The following ASXL1 variants were observed in gnomAD, a reference collection of about 807,000 sequenced individuals.
ASXL1 encodes polycomb group protein ASXL1.
A neutral mutation model predicts 89.1 loss-of-function variants in ASXL1; 65 were observed. That is an observed-to-expected ratio of 0.73 (90% CI 0.60 to 0.90). The LOEUF (loss-of-function observed/expected upper bound fraction) is 0.90. Ranked by LOEUF, ASXL1 falls within the 40% of genes least tolerant of loss-of-function variation. The pLI, the probability that ASXL1 is intolerant of heterozygous loss-of-function variation, is 0.00. For synonymous variants in ASXL1, 739 were observed against 746.9 expected, an observed-to-expected ratio of 0.99 and a Z score of 0.17; for missense variants, 1,786 against 1,942.9, an observed-to-expected ratio of 0.92 and a Z score of 1.52.
rs1488502891 is a variant in ASXL1, at chr20:32,437,087, A to G, written c.4375A>G (p.Ser1459Gly). 2 of 1,614,014 alleles carry G rather than the reference A, an allele frequency of 1.2e-6. No individual in the cohort carries two copies. The highest frequency in any genetic ancestry group is 1.7e-6 in the Non-Finnish European group (2 of 1,180,034). ...TTCCACCAGCTTTAATTATTCCTCT[A>G]GCTCTCCCACCTTTCCCAAAGGCCT... ...LSSTSFNYSS[S>G]SPTFPKGLAG... Residue 1459 changes from serine to glycine, a missense_variant, in exon 13 of 13, where the codon AGC becomes GGC. Coordinates refer to ENST00000375687, the MANE Select transcript of ASXL1 (RefSeq NM_015338.6).
At chr20:32,412,937 C>T (rs955596542) in intron 4 of ASXL1, among the ~76,000 whole-genome samples, 2 of 152,030 alleles carry the variant, frequency 1.3e-5, no homozygotes, top group Admixed American at 6.6e-5. Context: ...TACCTTTTGA[C>T]CGATTGTTTC....
intron 4 of ASXL1, among the ~76,000 whole-genome samples, chr20:32,382,168 T>G (rs1238742517): frequency 6.6e-6 from 1 of 151,850 alleles, no homozygotes; most frequent in Non-Finnish European, 1.5e-5. Context: ...AGAGACAGTG[T>G]TTTTCCATGT....
intron 4 of ASXL1, among the ~76,000 whole-genome samples, chr20:32,375,719 G>C (rs1237250002): frequency 1.3e-5 from 2 of 150,542 alleles, no homozygotes; most frequent in African/African-American, 4.9e-5. Flanking sequence ...GCCTGGCTCC[G>C]TTGCCCAGGC....
intron 4 of ASXL1, among the ~76,000 whole-genome samples, chr20:32,418,796 G>A (rs2049182865): frequency 7.4e-6 from 1 of 134,310 alleles, no homozygotes; most frequent in African/African-American, 2.7e-5. Flanking sequence ...ATCAAAATGG[G>A]AAGAATTGAC....
At position 32,436,842 on chromosome 20, in the gene ASXL1, C is replaced by T. The variant is rs1371456909; in HGVS notation, c.4130C>T (p.Pro1377Leu). 3 of 1,614,064 alleles carry T rather than the reference C, an allele frequency of 1.9e-6. No homozygotes were observed. The highest frequency in any genetic ancestry group is 1.1e-5 in the South Asian group (1 of 91,086). The change falls in exon 13 of 13, where the codon CCT becomes CTT. Residue 1377 changes from proline (P) to leucine (L), a missense_variant. Coordinates refer to ENST00000375687, the MANE Select transcript of ASXL1 (RefSeq NM_015338.6). ...VKNEKTFVGG[P>L]LKANAENRKA... ...AATGAGAAGACTTTTGTGGGGGGTCCTCTTAAGGCAAATGCCGAGAACAGG... is the reference window on the plus strand; with the variant it reads ...AATGAGAAGACTTTTGTGGGGGGTCTTCTTAAGGCAAATGCCGAGAACAGG...
In ASXL1 at chr20:32,434,635, CGG is replaced by C; in HGVS notation, c.1924_1925del (p.Gly642ArgfsTer15). ...CHREAATTAI[G>X]GGGGPGGGGG... is the part of the protein sequence containing the mutation. The stretch of plus-strand genomic sequence containing the variant: ...ATAGAGAGGCGGCCACCACTGCCAT[CGG>C]AGGGGGGGGTGGCCCGGGTGGAGGT... On this transcript the variant is annotated frameshift_variant, in exon 13 of 13. Coordinates refer to ENST00000375687, the MANE Select transcript of ASXL1 (RefSeq NM_015338.6). LOFTEE classifies it low-confidence loss of function (END_TRUNC). 6.2e-7 allele frequency: 1 copy of C among 1,607,612 alleles called. No homozygotes were observed. Among genetic ancestry groups the C allele is most frequent in the Non-Finnish European group, 8.5e-7 (1 of 1,176,854 alleles).
intron 4 of ASXL1, among the ~76,000 whole-genome samples, chr20:32,374,081 T>C (rs906644636): frequency 6.6e-6 from 1 of 152,166 alleles, no homozygotes; most frequent in Non-Finnish European, 1.5e-5. Flanking sequence ...GGTACAATCA[T>C]GGCTCACTGC....
At chr20:32,378,003 T>TGTGTGTGTGTGTGTGTGTGTGTG (rs56248414) in intron 4 of ASXL1, among the ~76,000 whole-genome samples, 29 of 144,580 alleles carry the variant, frequency 2.0e-4, no homozygotes, top group South Asian at 6.8e-4. Context: ...TGTGTGTGTG[T>TGTGTGTGTGTGTGTGTGTGTGTG]TTTGGAGACA....
rs1299423705 is a variant in ASXL1, at chr20:32,433,843, C to T, written c.1645C>T (p.Arg549Cys). 3 of 1,613,926 alleles carry T rather than the reference C, an allele frequency of 1.9e-6. No homozygotes were observed. Among genetic ancestry groups the T allele is most frequent in the Non-Finnish European group, 8.5e-7 (1 of 1,180,038 alleles). The change falls in exon 12 of 13, where the codon CGT (arginine) becomes TGT (cysteine). Residue 549 changes from arginine (R) to cysteine (C), a missense_variant. By Grantham distance (180) the Arg-to-Cys change is radical. Around this residue, in one of 3 missense-constraint regions of ASXL1, gnomAD observed 1,418 missense variants for 1,427.8 expected, o/e 0.99. Transcript: ENST00000375687. ...KPRLEDRQSFRNTIESVHTEK... is the reference protein window; with the variant it reads ...KPRLEDRQSFCNTIESVHTEK... ...CCGGCTTGAAGATCGTCAGTCCTTT[C>T]GTAACACAATTGAAAGTGTTCACAC... is the stretch of plus-strand genomic sequence containing the variant.
At chr20:32,391,731 C>T (rs1162606057) in intron 4 of ASXL1, among the ~76,000 whole-genome samples, 2 of 152,108 alleles carry the variant, frequency 1.3e-5, no homozygotes, top group Non-Finnish European at 2.9e-5. Context: ...TCAAGCAGTC[C>T]TCCTGCCTTG....
chr20:32,381,573 G>C (rs905870899), intron 4 of ASXL1, among the ~76,000 whole-genome samples: 1 of 147,838 alleles, frequency 6.8e-6, no homozygotes, highest in Non-Finnish European at 1.5e-5. Flanking sequence ...GGAGTGCAGT[G>C]GCGGGATCTC....
chr20:32,427,788 T>C, intron 4 of ASXL1: 1 of 367,994 alleles, frequency 2.7e-6, no homozygotes. Context: ...CTTTGTATTG[T>C]AATCAGTTTA....
intron 4 of ASXL1, among the ~76,000 whole-genome samples, chr20:32,413,919 C>T (rs576812728): frequency 1.4e-4 from 22 of 152,060 alleles, no homozygotes; most frequent in Non-Finnish European, 2.8e-4. Context: ...GAACAGGTGC[C>T]TAGGAGGTAA....
chr20:32,373,235 G>C (rs972320854), intron 4 of ASXL1, among the ~76,000 whole-genome samples: 1 of 151,658 alleles, frequency 6.6e-6, no homozygotes, highest in Non-Finnish European at 1.5e-5. Flanking sequence ...AAATTAGCCG[G>C]GCGTGGTTGT....
chr20:32,361,758 T>A (rs1600462085), intron 1 of ASXL1, among the ~76,000 whole-genome samples: 1 of 150,648 alleles, frequency 6.6e-6, no homozygotes, highest in Non-Finnish European at 1.5e-5. Flanking sequence ...GGATGGTAGG[T>A]GAGGGGGAAC....
At chr20:32,362,216 C>T (rs1243177113) in intron 1 of ASXL1, among the ~76,000 whole-genome samples, 2 of 152,238 alleles carry the variant, frequency 1.3e-5, no homozygotes, top group Non-Finnish European at 2.9e-5. Context: ...CTGAACACTT[C>T]TCTTTGGGCA....
chr20:32,421,866 C>CTTT (rs71299232), intron 4 of ASXL1, among the ~76,000 whole-genome samples: 36 of 105,270 alleles, frequency 3.4e-4, no homozygotes, highest in East Asian at 5.8e-4. Flanking sequence ...GGTTTCTTTT[C>CTTT]TTTTTTTTTT....
At chr20:32,362,656 A>G (rs1057382699) in intron 1 of ASXL1, among the ~76,000 whole-genome samples, 9 of 151,636 alleles carry the variant, frequency 5.9e-5, no homozygotes, top group African/African-American at 2.0e-4. Context: ...AAACAAACAA[A>G]ACAACAACAA....
At chr20:32,370,111 CTG>C (rs1178650409) in intron 4 of ASXL1, among the ~76,000 whole-genome samples, 1 of 151,998 alleles carries the variant, frequency 6.6e-6, no homozygotes, top group African/African-American at 2.4e-5. Flanking sequence ...TGGAAAATAA[CTG>C]AAATGTGAAC....
Sources: gnomAD v4.1 joint callset for allele counts (sites outside exome capture counted in the v4.1 genomes callset) on GRCh38, gnomAD v4.1.1 for gene constraint, gnomAD v4.1.1 regional missense constraint, MANE v1.5 for transcripts, NCBI Gene and HGNC (gene_info 2026-07-23, HGNC 2026-07-21) for gene names.